Variants in KIAA0586 observed in about 807,000 individuals in gnomAD.
The protein encoded by KIAA0586 is protein TALPID3.
KIAA0586 carries 144 observed loss-of-function variants against 169.8 expected under a neutral mutation model. The observed-to-expected ratio is 0.85, with a 90% confidence interval of 0.74 to 0.97. KIAA0586 has a LOEUF of 0.97. Among genes scored for constraint, KIAA0586 ranks in the 50% least tolerant of loss-of-function variants. KIAA0586 has a pLI of 0.00. For missense variants in KIAA0586, 1,854 were observed against 1,823.0 expected (o/e 1.02, Z -0.31); for synonymous variants, 625 against 612.4 (o/e 1.02, Z -0.30).
At position 58,427,797 on chromosome 14, in the gene KIAA0586, C is replaced by T; in HGVS notation, c.-468C>T. ...CGTAGGGGTGAATTTATGTTTCCGA[C>T]GATTGCATCTGGAGGGGTGTGTAAG... On this transcript the variant is annotated 5_prime_UTR_variant, in exon 1 of 31. The change creates a new upstream start codon in the 5' untranslated region. Coordinates refer to ENST00000652326, the MANE Select transcript of KIAA0586 (RefSeq NM_001329943.3). The T allele has an allele frequency of 6.6e-7, 1 of 1,508,218 alleles. No homozygotes were observed. Among genetic ancestry groups the T allele is most frequent in the South Asian group, 1.2e-5 (1 of 80,256 alleles). 93.4% of individuals were successfully genotyped at this position (1,508,218 alleles called of 1,614,324 possible). A position where few individuals can be genotyped will look rare whatever the true frequency, so the allele number is the denominator to read the frequency against.
chr14:58,498,742 T>C, intron 26 of KIAA0586, 41 bp from the exon 27 acceptor site: 1 of 1,534,138 alleles, frequency 6.5e-7, no homozygotes, highest in Non-Finnish European at 8.8e-7. Context: ...TTGACTTGAT[T>C]TTAATATAAT....
At chr14:58,490,964 G>T (rs1310235967) in intron 25 of KIAA0586, among the ~76,000 whole-genome samples, 1 of 151,944 alleles carries the variant, frequency 6.6e-6, no homozygotes, top group Non-Finnish European at 1.5e-5. Flanking sequence ...GAAGTTTTTT[G>T]ATAAGATTTT....
chr14:58,540,131 T>G lies in KIAA0586; in HGVS notation c.4490T>G (p.Phe1497Cys), dbSNP rs542326170. Reference sequence around the variant, plus strand: ...CTTAATCCGTACCTCACATGTGTATTTTCAGGTAAGATTTTTACTTTAAAA... The same window carrying G: ...CTTAATCCGTACCTCACATGTGTATGTTCAGGTAAGATTTTTACTTTAAAA... Reference protein sequence around the residue: ...IELNPYLTCVFSGGKAVPLSA... With the variant: ...IELNPYLTCVCSGGKAVPLSA... The change falls in exon 30 of 31, where the codon TTT becomes TGT. Residue 1497 changes from phenylalanine (F) to cysteine (C), a missense_variant. Transcript: ENST00000652326. 2 of 1,542,140 alleles carry G rather than the reference T, an allele frequency of 1.3e-6. No homozygotes were observed. Among genetic ancestry groups the G allele is most frequent in the Non-Finnish European group, 1.8e-6 (2 of 1,135,110 alleles).
upstream of KIAA0586, chr14:58,427,555 CT>C: frequency 6.6e-7 from 1 of 1,524,154 alleles, no homozygotes; most frequent in Admixed American, 2.0e-5. Context: ...AAATAAACCC[CT>C]GTTATGTCCG....
At chr14:58,552,367 T>C (rs963878339), downstream of KIAA0586, among the ~76,000 whole-genome samples, 4 of 152,150 alleles carry the variant, frequency 2.6e-5, no homozygotes, top group Admixed American at 1.3e-4. Flanking sequence ...TTTTTCTTCT[T>C]GTCCTGAAGT....
At chr14:58,553,285 A>G (rs1225182075), downstream of KIAA0586, among the ~76,000 whole-genome samples, 6 of 152,184 alleles carry the variant, frequency 3.9e-5, no homozygotes. Flanking sequence ...CATTAAGCAG[A>G]GGTATTCCTA....
intron 14 of KIAA0586, 96 bp from the exon 15 acceptor site, chr14:58,465,739 A>T: frequency 1.3e-6 from 1 of 751,686 alleles, no homozygotes; most frequent in Non-Finnish European, 2.1e-6. Flanking sequence ...ATATAGAATT[A>T]AGATTTTTCT....
At chr14:58,437,799 C>T (rs558233822) in intron 4 of KIAA0586, among the ~76,000 whole-genome samples, 1 of 149,788 alleles carries the variant, frequency 6.7e-6, no homozygotes, top group East Asian at 2.0e-4. Context: ...AAGTGGTAGT[C>T]TAAGTCTAAG....
At chr14:58,446,260 C>A (rs1472311488) in intron 6 of KIAA0586, among the ~76,000 whole-genome samples, 1 of 151,828 alleles carries the variant, frequency 6.6e-6, no homozygotes, top group Non-Finnish European at 1.5e-5. Flanking sequence ...CTTTGGGAGG[C>A]CGAGGTGGGT....
intron 29 of KIAA0586, among the ~76,000 whole-genome samples, chr14:58,515,661 A>C (rs1240526660): frequency 6.6e-6 from 1 of 152,124 alleles, no homozygotes; most frequent in Middle Eastern, 3.2e-3. Context: ...TTTCAAAACT[A>C]TGTGTGTGTA....
At chr14:58,502,285 G>T (rs528147704) in intron 27 of KIAA0586, among the ~76,000 whole-genome samples, 1 of 152,010 alleles carries the variant, frequency 6.6e-6, no homozygotes, top group Non-Finnish European at 1.5e-5. Flanking sequence ...ACAGATGCAC[G>T]CCGCCACCTC....
At chr14:58,466,063 A>C (rs750449798) in intron 15 of KIAA0586, 34 bp downstream of exon 15, 1 of 1,381,312 alleles carries the variant, frequency 7.2e-7, no homozygotes, top group South Asian at 1.3e-5. Flanking sequence ...GATGGATTTT[A>C]TTTTATTTAT....
At chr14:58,471,486 T>C (rs927137365) in intron 17 of KIAA0586, among the ~76,000 whole-genome samples, 2 of 152,218 alleles carry the variant, frequency 1.3e-5, no homozygotes, top group African/African-American at 2.4e-5. Flanking sequence ...CACAGCAAAA[T>C]AGCACTGTAA....
intron 5 of KIAA0586, among the ~76,000 whole-genome samples, chr14:58,443,523 C>T (rs990593916): frequency 6.6e-6 from 1 of 152,108 alleles, no homozygotes; most frequent in South Asian, 2.1e-4. Context: ...CCTGGGTTCA[C>T]GTGATTCCTC....
chr14:58,559,590 T>C, the KIAA0586 span, among the ~76,000 whole-genome samples: 1 of 152,206 alleles, frequency 6.6e-6, no homozygotes, highest in African/African-American at 2.4e-5. Flanking sequence ...GCAGCTGGAA[T>C]AGAAGCACAT....
intron 4 of KIAA0586, chr14:58,439,630 T>G (rs2038132024): frequency 6.5e-6 from 1 of 153,398 alleles, no homozygotes; most frequent in African/African-American, 2.4e-5. Context: ...TATGACACTC[T>G]TCATGCAATT....
Position 58,466,133 on chromosome 14 carries a change from C to T in KIAA0586, c.2254+104C>T, listed in dbSNP as rs1210880665. 6.2e-6 allele frequency: 5 copies of T among 807,726 alleles called. No homozygotes were observed. The African/African-American group carries it at 8.7e-5, about 14-fold the overall frequency. The allele number at this position is 807,726 out of a possible 1,614,324, so 50.0% of individuals were successfully genotyped here. A position where few individuals can be genotyped will look rare whatever the true frequency, so the allele number is the denominator to read the frequency against. ...GTTTCACTGTGTGGCTCAGAGTGGTCTGGAACTCCTGGACTCAAGCAGTCC... is the reference window on the plus strand; with the variant it reads ...GTTTCACTGTGTGGCTCAGAGTGGTTTGGAACTCCTGGACTCAAGCAGTCC... On this transcript the variant is annotated intron_variant, in intron 15 of 30. Transcript: ENST00000652326.
chr14:58,484,924 A>ATATATAT (rs1566877360), intron 21 of KIAA0586, among the ~76,000 whole-genome samples: 1 of 13,048 alleles, frequency 7.7e-5, no homozygotes, highest in Non-Finnish European at 1.3e-4. Context: ...ATATATATAT[A>ATATATAT]TTTTTTTTTT....
Position 58,547,804 on chromosome 14 carries a change from G to A in KIAA0586, c.4519G>A (p.Ala1507Thr), listed in dbSNP as rs140026883. The A allele has an allele frequency of 7.3e-4, 1,175 of 1,613,432 alleles. 6 individuals carry two copies. Among genetic ancestry groups the A allele is most frequent in the African/African-American group, 6.5e-3 (490 of 74,968 alleles). ...FSGGKAVPLS[A>T]SQMPPAKMSV... ...AGGTGGGAAAGCAGTGCCACTCTCCGCTTCACAGATGCCCCCTGCCAAGAT... is the reference window on the plus strand; with the variant it reads ...AGGTGGGAAAGCAGTGCCACTCTCCACTTCACAGATGCCCCCTGCCAAGAT... Residue 1507 changes from alanine (A) to threonine (T), a missense_variant, in exon 31 of 31, where the codon GCT (alanine) becomes ACT (threonine). Ala to Thr is a moderately conservative substitution (Grantham distance 58). Transcript: ENST00000652326.
Sources: allele counts gnomAD v4.1 joint callset (sites outside exome capture counted in the v4.1 genomes callset), GRCh38; gene constraint gnomAD v4.1.1; transcripts MANE v1.5; gene names NCBI Gene and HGNC (gene_info 2026-07-23, HGNC 2026-07-21).